PCDHGA2: variants seen among roughly 807,000 people sequenced by gnomAD.
The protein encoded by PCDHGA2 is protocadherin gamma-A2.
In PCDHGA2, 40 loss-of-function variants were observed where a neutral mutation model predicts 59.2. The ratio of observed to expected loss-of-function variants is 0.68; its 90% CI spans 0.52 to 0.88. The LOEUF (loss-of-function observed/expected upper bound fraction) is 0.88. Ranked by LOEUF, PCDHGA2 falls within the 40% of genes least tolerant of loss-of-function variation. The pLI is 0.00. For missense variants in PCDHGA2, 1,226 were observed against 1,204.0 expected, an observed-to-expected ratio of 1.02 and a Z score of -0.27; for synonymous variants, 560 against 526.0, an observed-to-expected ratio of 1.06 and a Z score of -0.89.
rs75309884 is a variant in PCDHGA2, at chr5:141,382,670, T to C, written c.2424+41275T>C. On this transcript the variant is annotated intron_variant, in intron 1 of 3. Coordinates refer to ENST00000394576, the MANE Select transcript of PCDHGA2 (RefSeq NM_018915.4). ...TTAGTAAGGACTCACAGCGCCGCTG[T>C]TCACCAACCAGGGAAAAATGGTGCG... 662 of 433,180 alleles carry C rather than the reference T, an allele frequency of 1.5e-3. 2 individuals are homozygous for C. Among genetic ancestry groups the C allele is most frequent in the Non-Finnish European group, 2.1e-3 (522 of 246,008 alleles). 26.8% of individuals were successfully genotyped at this position (433,180 alleles called of 1,614,324 possible).
rs143563573 is a variant in PCDHGA2 at position 141,340,513 on chromosome 5, C to T, written c.1542C>T (p.Leu514=). Residue 514 remains leucine, a synonymous_variant, in exon 1 of 4, where the codon CTC becomes CTT. Coordinates refer to ENST00000394576, the MANE Select transcript of PCDHGA2 (RefSeq NM_018915.4). ...CTATCAACTCCGACACTGGAGTACT[C>T]TATGCACTGCGCTCCTTTGATTATG... ...YISINSDTGV[L]YALRSFDYEQ... 1.2e-5 allele frequency: 20 copies of T among 1,614,142 alleles called. 1 individual carries two copies. The highest frequency in any genetic ancestry group is 1.7e-5 in the Non-Finnish European group (20 of 1,180,060).
At chr5:141,448,331 A>T (rs2098582637) in intron 1 of PCDHGA2, among the ~76,000 whole-genome samples, 1 of 152,146 alleles carries the variant, frequency 6.6e-6, no homozygotes, top group Non-Finnish European at 1.5e-5. Flanking sequence ...GAATCTTTAT[A>T]GCCATGTACC....
At chr5:141,466,324 C>A (rs2154569179) in intron 1 of PCDHGA2, among the ~76,000 whole-genome samples, 1 of 152,218 alleles carries the variant, frequency 6.6e-6, no homozygotes, top group East Asian at 1.9e-4. Context: ...GCACATGCTA[C>A]CATGCCTGGA....
intron 1 of PCDHGA2, among the ~76,000 whole-genome samples, chr5:141,358,630 G>A (rs1355108654): frequency 6.6e-6 from 1 of 152,190 alleles, no homozygotes; most frequent in Non-Finnish European, 1.5e-5. Context: ...GCTAATTTCA[G>A]TCATATATAA....
chr5:141,470,597 T>A (rs1309687738), intron 1 of PCDHGA2, among the ~76,000 whole-genome samples: 5 of 152,216 alleles, frequency 3.3e-5, no homozygotes, highest in Non-Finnish European at 7.3e-5. Flanking sequence ...AGGCGACCTG[T>A]GCGGGGACAC....
At chr5:141,371,049 G>T in intron 1 of PCDHGA2, 1 of 1,613,942 alleles carries the variant, frequency 6.2e-7, no homozygotes, top group Non-Finnish European at 8.5e-7. Flanking sequence ...GGATGGGGGC[G>T]AGCCCTCCAG....
rs1330023234 is a variant in PCDHGA2, at chr5:141,339,334, G to T, written c.363G>T (p.Val121=). The change falls in exon 1 of 4, where the codon GTG becomes GTT. Residue 121 remains valine (V), a synonymous_variant. Coordinates refer to ENST00000394576, the MANE Select transcript of PCDHGA2 (RefSeq NM_018915.4). ...AATTGACTATTTATTCAGTAGAGGTGGAAATAACAGATATTAACGATAATG... is the reference window on the plus strand; with the variant it reads ...AATTGACTATTTATTCAGTAGAGGTTGAAATAACAGATATTAACGATAATG... ...EDKLTIYSVE[V]EITDINDNAP... The T allele has an allele frequency of 1.1e-5, 18 of 1,614,248 alleles. No individual in the cohort carries two copies. Among genetic ancestry groups the T allele is most frequent in the Non-Finnish European group, 1.5e-5 (18 of 1,180,034 alleles).
chr5:141,417,905 G>A (rs1462731893), intron 1 of PCDHGA2: 1 of 1,593,646 alleles, frequency 6.3e-7, no homozygotes, highest in Admixed American at 1.8e-5. Flanking sequence ...CCCGCGGCAG[G>A]TACTATTTCC....
At chr5:141,467,630 T>A (rs1483747040) in intron 1 of PCDHGA2, among the ~76,000 whole-genome samples, 2 of 152,194 alleles carry the variant, frequency 1.3e-5, no homozygotes, top group African/African-American at 4.8e-5. Flanking sequence ...TGAGATAGCA[T>A]CTTTATCATG....
chr5:141,478,396 G>T (rs150499152), intron 1 of PCDHGA2: 2 of 1,613,446 alleles, frequency 1.2e-6, no homozygotes, highest in African/African-American at 2.7e-5. Flanking sequence ...ACCATCAGGT[G>T]TATCTCACCA....
rs757588144 is a variant in PCDHGA2 at position 141,361,653 on chromosome 5, C to T, written c.2424+20258C>T. 10 of 1,613,652 alleles carry T rather than the reference C, an allele frequency of 6.2e-6. No individual in the cohort carries two copies. The South Asian group carries it at 8.8e-5, about 14-fold the overall frequency. On this transcript the variant is annotated intron_variant, in intron 1 of 3. Transcript: ENST00000394576. ...CGCGGGAGATTTTATCCTACGTGTC[C>T]GTGAGCGCGCAGAGCGGGGTGGTGT...
chr5:141,459,976 G>A (rs1013971472), intron 1 of PCDHGA2, among the ~76,000 whole-genome samples: 1 of 152,202 alleles, frequency 6.6e-6, no homozygotes, highest in Non-Finnish European at 1.5e-5. Flanking sequence ...TACTCAGGAG[G>A]CTGAGACAGG....
rs377387694 is a variant in PCDHGA2 at position 141,366,375 on chromosome 5, T to C, written c.2424+24980T>C. 67 of 1,614,096 alleles carry C rather than the reference T, an allele frequency of 4.2e-5. No individual in the cohort carries two copies. Among genetic ancestry groups the C allele is most frequent in the East Asian group, 1.8e-4 (8 of 44,892 alleles). ...GACCTAGGCAGTATCAAGACCCCCA[T>C]TGACCCTGAGGATCTGGACCTCACA... On this transcript the variant is annotated intron_variant, in intron 1 of 3. Transcript: ENST00000394576.
chr5:141,344,892 A>G, intron 1 of PCDHGA2: 1 of 1,613,944 alleles, frequency 6.2e-7, no homozygotes, highest in Non-Finnish European at 8.5e-7. Context: ...AATGCCTGGG[A>G]AAATCGCTGA....
At position 141,485,386 on chromosome 5, in the gene PCDHGA2, C is replaced by A. The variant is rs1044608807; in HGVS notation, c.2425-9421C>A. The stretch of plus-strand genomic sequence containing the variant: ...GGCTGCAGGTCGCTGGAGAGGTGAA[C>A]CAAAGACACTTCCGTGTGGATTTGG... On this transcript the variant is annotated intron_variant, in intron 1 of 3. Coordinates refer to ENST00000394576, the MANE Select transcript of PCDHGA2 (RefSeq NM_018915.4). This position sits in a 1 kb window ranked among gnomAD's most constrained non-coding sequence, Gnocchi z 5.7. 1.2e-6 allele frequency: 2 copies of A among 1,614,104 alleles called. No homozygotes were observed. The highest frequency in any genetic ancestry group is 8.5e-7 in the Non-Finnish European group (1 of 1,180,002).
intron 1 of PCDHGA2, chr5:141,419,027 GTTCCAT>G: frequency 6.2e-7 from 1 of 1,613,870 alleles, no homozygotes; most frequent in Non-Finnish European, 8.5e-7. Context: ...AAGTAGAGGT[GTTCCAT>G]TTAAGATTCA....
In PCDHGA2 at chr5:141,395,543, TG is replaced by T. The variant is rs1247307480; in HGVS notation, c.2424+54149del. 6.3e-3 allele frequency: 52 copies of T among 8,206 alleles called. 1 individual carries two copies. The highest frequency in any genetic ancestry group is 0.048 in the African/African-American group (46 of 952). 0.5% of individuals were successfully genotyped at this position (8,206 alleles called of 1,614,324 possible). On this transcript the variant is annotated intron_variant, in intron 1 of 3. Coordinates refer to ENST00000394576, the MANE Select transcript of PCDHGA2 (RefSeq NM_018915.4). ...CCATACTGGTAATTTTGCTATTGTT[TG>T]TGTGTGTGTGTGTGTGTGTGTGTGT...
Position 141,431,033 on chromosome 5 carries a change from C to G in PCDHGA2, c.2425-63774C>G, listed in dbSNP as rs1006751011. ...CTTGGTCACGGCGGGCAGGATAGAC[C>G]GGGAGGAGCTCTGTATGGGGGCCAT... On this transcript the variant is annotated intron_variant, in intron 1 of 3. Coordinates refer to ENST00000394576, the MANE Select transcript of PCDHGA2 (RefSeq NM_018915.4). This position sits in a 1 kb window ranked among gnomAD's most constrained non-coding sequence, Gnocchi z 4.8. 1.2e-6 allele frequency: 2 copies of G among 1,613,980 alleles called. No individual in the cohort carries two copies. Among genetic ancestry groups the G allele is most frequent in the Admixed American group, 3.3e-5 (2 of 60,024 alleles).
At chr5:141,407,889 G>T (rs1378600394) in intron 1 of PCDHGA2, 1 of 389,100 alleles carries the variant, frequency 2.6e-6, no homozygotes, top group Non-Finnish European at 4.6e-6. Context: ...TTCGGAGACC[G>T]AATTCAAAAT....
Sources: gnomAD v4.1 joint callset for allele counts (sites outside exome capture counted in the v4.1 genomes callset) on GRCh38, gnomAD v4.1.1 for gene constraint, Gnocchi (gnomAD v3.1) non-coding constraint, MANE v1.5 for transcripts, NCBI Gene and HGNC (gene_info 2026-07-23, HGNC 2026-07-21) for gene names.